The following CAB39L variants were observed in gnomAD, a reference collection of about 807,000 sequenced individuals.
CAB39L encodes calcium binding protein 39 like, also known as calcium-binding protein 39-like.
Under a neutral mutation model 39.1 loss-of-function variants are expected in CAB39L, and 23 were observed. The ratio of observed to expected loss-of-function variants is 0.59; its 90% CI spans 0.42 to 0.83. The LOEUF (loss-of-function observed/expected upper bound fraction) is 0.83. CAB39L is among the 40% of genes least tolerant of loss of function. The probability of loss-of-function intolerance (pLI) is 0.00; values close to 1 mark genes in which losing one functional copy is unlikely to be tolerated. For missense variants in CAB39L, 366 were observed against 391.9 expected (o/e 0.93, Z 0.56); for synonymous variants, 126 against 137.2 (o/e 0.92, Z 0.57).
At chr13:49,336,229 G>T (rs1467265615) in intron 9 of CAB39L, among the ~76,000 whole-genome samples, 1 of 150,744 alleles carries the variant, frequency 6.6e-6, no homozygotes, top group Non-Finnish European at 1.5e-5. Flanking sequence ...ACAGAGTGAT[G>T]CAAAACCATT....
At chr13:49,407,068 G>C (rs895386159) in intron 3 of CAB39L, among the ~76,000 whole-genome samples, 10 of 152,132 alleles carry the variant, frequency 6.6e-5, no homozygotes, top group Non-Finnish European at 1.5e-4. Flanking sequence ...TCTTTAAGTA[G>C]AGACTTTAAC....
chr13:49,442,795 A>C, intron 1 of CAB39L, among the ~76,000 whole-genome samples: 3 of 124,402 alleles, frequency 2.4e-5, no homozygotes, highest in East Asian at 6.0e-4. Flanking sequence ...CTCAAAAAAA[A>C]AAAAAAAAAA....
rs60080189 is a variant in CAB39L at position 49,400,443 on chromosome 13, AACACACACACACACAC to A, written c.-31-17518_-31-17503del. 3.6e-5 allele frequency among the ~76,000 whole-genome samples: 5 copies of A among 138,624 alleles called. No homozygotes were observed. In the South Asian group the frequency reaches 6.9e-4, roughly 19 times the overall value. The allele number at this position is 138,624 out of a possible 152,430, so 90.9% of individuals were successfully genotyped here. The stretch of plus-strand genomic sequence containing the variant: ...TTGCTCTATTGCTTATACAAACACA[AACACACACACACACAC>A]ACACACACACACACACACATGGTTA... On this transcript the variant is annotated intron_variant, in intron 3 of 10. Transcript: ENST00000409308.
intron 3 of CAB39L, among the ~76,000 whole-genome samples, chr13:49,394,397 T>A (rs895740829): frequency 6.6e-6 from 1 of 152,116 alleles, no homozygotes; most frequent in Non-Finnish European, 1.5e-5. Context: ...CTCAATTCTA[T>A]TGATGGTATT....
chr13:49,408,492 A>G (rs1956927199), intron 3 of CAB39L, among the ~76,000 whole-genome samples: 1 of 152,164 alleles, frequency 6.6e-6, no homozygotes. Context: ...GAGACCAAAA[A>G]GAGAGCCAAG....
At chr13:49,348,845 G>T (rs1185521008) in intron 7 of CAB39L, among the ~76,000 whole-genome samples, 1 of 152,102 alleles carries the variant, frequency 6.6e-6, no homozygotes, top group Non-Finnish European at 1.5e-5. Context: ...CCACTCTTTG[G>T]TCTTCTCCAT....
At chr13:49,333,732 C>T (rs986550313) in intron 9 of CAB39L, among the ~76,000 whole-genome samples, 4 of 151,862 alleles carry the variant, frequency 2.6e-5, no homozygotes, top group African/African-American at 7.2e-5. Context: ...CCACCATGCC[C>T]GGCTAATTTT....
intron 3 of CAB39L, among the ~76,000 whole-genome samples, chr13:49,417,986 AG>A (rs1467621636): frequency 6.6e-6 from 1 of 152,210 alleles, no homozygotes; most frequent in Non-Finnish European, 1.5e-5. Flanking sequence ...CTTTAGAAGC[AG>A]GTCAATAGTT....
chr13:49,429,020 TTCC>T (rs1390044662), intron 3 of CAB39L, among the ~76,000 whole-genome samples: 2 of 152,226 alleles, frequency 1.3e-5, no homozygotes, highest in Non-Finnish European at 2.9e-5. Context: ...TAAATTAATA[TTCC>T]TCACTATAAT....
chr13:49,439,469 C>T (rs957050855), intron 1 of CAB39L, among the ~76,000 whole-genome samples: 2 of 152,142 alleles, frequency 1.3e-5, no homozygotes, highest in Non-Finnish European at 2.9e-5. Context: ...TAGTATTCCA[C>T]GGTTCATATG....
chr13:49,402,065 T>A (rs915329527), intron 3 of CAB39L, among the ~76,000 whole-genome samples: 1 of 152,096 alleles, frequency 6.6e-6, no homozygotes, highest in South Asian at 2.1e-4. Flanking sequence ...ATAAAGAACA[T>A]AGAAAAATAT....
intron 8 of CAB39L, among the ~76,000 whole-genome samples, 170 bp from the exon 9 acceptor site, chr13:49,339,912 T>A (rs563205731): frequency 3.9e-5 from 6 of 152,342 alleles, no homozygotes; most frequent in Admixed American, 2.6e-4. Flanking sequence ...ACAAGAGACA[T>A]CCTTCCCTAT....
chr13:49,380,701 G>T (rs1371830379), intron 4 of CAB39L, among the ~76,000 whole-genome samples: 4 of 151,992 alleles, frequency 2.6e-5, no homozygotes, highest in Non-Finnish European at 4.4e-5. Context: ...ATTAATATAG[G>T]TAGGAAAGGA....
At position 49,309,022 on chromosome 13, in the gene CAB39L, A is replaced by G. The variant is rs538307095; in HGVS notation, c.*1792T>C. On this transcript the variant is annotated 3_prime_UTR_variant, in exon 11 of 11. Transcript: ENST00000409308. ...AGATGTTGTGGAACAGTATTAAGTAACCAAATACAATTCCAATGGTTATTT... is the reference window on the plus strand; with the variant it reads ...AGATGTTGTGGAACAGTATTAAGTAGCCAAATACAATTCCAATGGTTATTT... 2 of 152,366 alleles carry G rather than the reference A, an allele frequency of 1.3e-5. No individual in the cohort carries two copies. The highest frequency in any genetic ancestry group is 4.8e-5 in the African/African-American group (2 of 41,588). The allele number at this position is 152,366 out of a possible 1,614,324, so 9.4% of individuals were successfully genotyped here. A position where few individuals can be genotyped will look rare whatever the true frequency, so the allele number is the denominator to read the frequency against.
intron 5 of CAB39L, among the ~76,000 whole-genome samples, chr13:49,360,066 A>T (rs1399634103): frequency 2.0e-5 from 3 of 152,208 alleles, no homozygotes; most frequent in African/African-American, 7.2e-5. Context: ...GGGAAATTTG[A>T]CCAACGAGAA....
At chr13:49,392,959 A>T (rs1260471541) in intron 3 of CAB39L, 2 of 152,162 alleles carry the variant, frequency 1.3e-5, no homozygotes, top group Non-Finnish European at 2.9e-5. Flanking sequence ...AAACCAAGAG[A>T]GATACAAATC....
At chr13:49,362,555 A>C (rs1266482002) in intron 5 of CAB39L, among the ~76,000 whole-genome samples, 1 of 151,958 alleles carries the variant, frequency 6.6e-6, no homozygotes, top group East Asian at 1.9e-4. Context: ...TAGAGGAGAC[A>C]AAAGAAAAAA....
intron 9 of CAB39L, among the ~76,000 whole-genome samples, chr13:49,333,560 C>T (rs115437719): frequency 7.2e-6 from 1 of 138,354 alleles, no homozygotes; most frequent in African/African-American, 2.6e-5. Context: ...ACATTTCTTT[C>T]TTTCTTTCTT....
chr13:49,396,434 C>T (rs1430781669), intron 3 of CAB39L, among the ~76,000 whole-genome samples: 3 of 152,114 alleles, frequency 2.0e-5, no homozygotes, highest in South Asian at 2.1e-4. Context: ...CAGGGCCAGG[C>T]GCGGTGGCTC....
Sources: gnomAD v4.1 joint callset for allele counts (sites outside exome capture counted in the v4.1 genomes callset) on GRCh38, gnomAD v4.1.1 for gene constraint, MANE v1.5 for transcripts, NCBI Gene and HGNC (gene_info 2026-07-23, HGNC 2026-07-21) for gene names.